The following SLC25A21 variants were observed in gnomAD, a reference collection of about 807,000 sequenced individuals.
The protein encoded by SLC25A21 is solute carrier family 25 member 21.
In SLC25A21, 47 loss-of-function variants were observed where a neutral mutation model predicts 43.8. The ratio of observed to expected loss-of-function variants is 1.07; its 90% confidence interval spans 0.85 to 1.37. The LOEUF (loss-of-function observed/expected upper bound fraction) is 1.37, where lower values mean the gene tolerates loss of function less well. Among genes scored for constraint, SLC25A21 ranks in the 40% most tolerant of loss-of-function variants. The pLI is 0.00. For missense variants in SLC25A21, 352 were observed against 350.2 expected (o/e 1.00, Z -0.04); for synonymous variants, 131 against 121.3 (o/e 1.08, Z -0.52).
At chr14:36,810,837 C>G (rs1483230606) in intron 3 of SLC25A21, among the ~76,000 whole-genome samples, 1 of 73,092 alleles carries the variant, frequency 1.4e-5, no homozygotes, top group Non-Finnish European at 3.1e-5. Context: ...CTTCACAAAC[C>G]AGGATGGTGC....
chr14:36,978,273 C>G (rs76356174), intron 1 of SLC25A21, among the ~76,000 whole-genome samples: 1 of 152,048 alleles, frequency 6.6e-6, no homozygotes, highest in Non-Finnish European at 1.5e-5. Context: ...TACAATAAAG[C>G]GATTACTACA....
rs540278990 is a variant in SLC25A21, at chr14:36,897,818, G to A, written c.71-22814C>T. On this transcript the variant is annotated intron_variant, in intron 1 of 9. Transcript: ENST00000331299. ...GGTCCACTCCAGACACTGTTTGCCT[G>A]GGTATCAGCAGCAGAGGCTGCAGAA... Among the ~76,000 whole-genome samples the A allele has an allele frequency of 5.5e-4, 84 of 152,288 alleles. 2 individuals are homozygous for A. The South Asian group carries it at 0.013, about 24-fold the overall frequency.
At chr14:36,878,494 G>A (rs1890611984) in intron 1 of SLC25A21, among the ~76,000 whole-genome samples, 1 of 152,136 alleles carries the variant, frequency 6.6e-6, no homozygotes, top group Non-Finnish European at 1.5e-5. Flanking sequence ...GTCCTCCACA[G>A]ACAGCTAAAG....
chr14:37,013,500 G>C (rs1294606542), intron 1 of SLC25A21, among the ~76,000 whole-genome samples: 1 of 152,136 alleles, frequency 6.6e-6, no homozygotes, highest in African/African-American at 2.4e-5. Context: ...AAAGTTTCTT[G>C]AGCATTTGCA....
intron 1 of SLC25A21, among the ~76,000 whole-genome samples, chr14:37,134,144 G>C (rs921843156): frequency 6.6e-6 from 1 of 152,174 alleles, no homozygotes; most frequent in Non-Finnish European, 1.5e-5. Flanking sequence ...GGCCACAGAA[G>C]TTAGCGACAG....
At chr14:36,786,178 T>C (rs1284489947) in intron 3 of SLC25A21, among the ~76,000 whole-genome samples, 3 of 152,138 alleles carry the variant, frequency 2.0e-5, no homozygotes, top group Non-Finnish European at 4.4e-5. Flanking sequence ...ATGGGGACAA[T>C]AAAACCTACC....
chr14:36,895,430 T>C (rs999947008), intron 1 of SLC25A21, among the ~76,000 whole-genome samples: 3 of 152,196 alleles, frequency 2.0e-5, no homozygotes, highest in Non-Finnish European at 2.9e-5. Context: ...TTCTTCTCTC[T>C]TTTCTTCTTT....
intron 2 of SLC25A21, 110 bp downstream of exon 2, chr14:36,874,846 T>C: frequency 1.3e-6 from 1 of 766,172 alleles, no homozygotes; most frequent in Admixed American, 2.8e-5. Flanking sequence ...ATAACTGCCA[T>C]TACAGAGAGA....
intron 2 of SLC25A21, among the ~76,000 whole-genome samples, chr14:36,814,227 T>C (rs1033038624): frequency 6.6e-6 from 1 of 152,214 alleles, no homozygotes; most frequent in Non-Finnish European, 1.5e-5. Context: ...AAAAATGTAT[T>C]TTCATCTATT....
rs1449437161 is a variant in SLC25A21, at chr14:36,686,518, A to G, written c.604-1593T>C. ...ACCCAGAGCCCAGTGTATCCAAGGGAAGTTTTTAACTCCTATCTTACCTCT... is the reference window on the plus strand; with the variant it reads ...ACCCAGAGCCCAGTGTATCCAAGGGGAGTTTTTAACTCCTATCTTACCTCT... On this transcript the variant is annotated intron_variant, in intron 7 of 9. Transcript: ENST00000331299. Among the ~76,000 whole-genome samples, 7 of 152,288 alleles carry G rather than the reference A, an allele frequency of 4.6e-5. No individual in the cohort carries two copies. The South Asian group carries it at 1.0e-3, about 23-fold the overall frequency.
chr14:37,129,122 C>T (rs1329700173), intron 1 of SLC25A21, among the ~76,000 whole-genome samples: 2 of 152,102 alleles, frequency 1.3e-5, no homozygotes, highest in Non-Finnish European at 1.5e-5. Flanking sequence ...AAAGGTGTGC[C>T]GGAAAGTGCT....
At chr14:36,722,295 C>A (rs7153039) in intron 6 of SLC25A21, among the ~76,000 whole-genome samples, 78,059 of 151,884 alleles carry the variant, frequency 0.51, 20,021 homozygotes, top group South Asian at 0.63. Flanking sequence ...AGGGATGAAT[C>A]GGCAGAACAC....
chr14:36,966,601 T>G lies in SLC25A21; in HGVS notation c.71-91597A>C, dbSNP rs149545483. Among the ~76,000 whole-genome samples the G allele has an allele frequency of 1.5e-3, 236 of 152,302 alleles. 2 individuals carry two copies. The highest frequency in any genetic ancestry group is 5.4e-3 in the African/African-American group (224 of 41,560). On this transcript the variant is annotated intron_variant, in intron 1 of 9. Transcript: ENST00000331299. ...ACTGCTTCTTTCCCTATCTACACAC[T>G]GTACTCTCACCTCCCAGGTCACTAA...
intron 1 of SLC25A21, among the ~76,000 whole-genome samples, chr14:37,052,294 T>C (rs879416740): frequency 6.6e-5 from 10 of 152,158 alleles, no homozygotes; most frequent in Admixed American, 2.6e-4. Context: ...GAAAAATCGA[T>C]AGTATAAACT....
intron 1 of SLC25A21, among the ~76,000 whole-genome samples, chr14:36,878,359 A>T (rs1594661818): frequency 6.6e-6 from 1 of 152,324 alleles, no homozygotes; most frequent in East Asian, 1.9e-4. Flanking sequence ...GTAGAATTTA[A>T]GTTAGTGATA....
At chr14:37,066,461 G>C (rs888086401) in intron 1 of SLC25A21, among the ~76,000 whole-genome samples, 2 of 151,892 alleles carry the variant, frequency 1.3e-5, no homozygotes, top group Non-Finnish European at 2.9e-5. Flanking sequence ...TGAAAAAATG[G>C]ATTATGTGAA....
chr14:37,076,471 C>A (rs1962283793), intron 1 of SLC25A21, among the ~76,000 whole-genome samples: 1 of 151,118 alleles, frequency 6.6e-6, no homozygotes, highest in East Asian at 2.0e-4. Flanking sequence ...CCGCACCCAG[C>A]CTATAAGACT....
At chr14:37,041,337 T>C (rs1234980465) in intron 1 of SLC25A21, among the ~76,000 whole-genome samples, 2 of 152,104 alleles carry the variant, frequency 1.3e-5, no homozygotes, top group Non-Finnish European at 2.9e-5. Context: ...TAGCCATCTG[T>C]TAAAATGACC....
intron 1 of SLC25A21, among the ~76,000 whole-genome samples, chr14:37,052,585 A>T (rs1003540447): frequency 1.3e-5 from 2 of 152,212 alleles, no homozygotes; most frequent in Non-Finnish European, 2.9e-5. Context: ...TTTGAAAACC[A>T]ATCAGCAAAA....
Sources: allele counts gnomAD v4.1 joint callset (sites outside exome capture counted in the v4.1 genomes callset), GRCh38; gene constraint gnomAD v4.1.1; transcripts MANE v1.5; gene names NCBI Gene and HGNC (gene_info 2026-07-23, HGNC 2026-07-21).